The following NINL variants were observed in gnomAD, a reference collection of about 807,000 sequenced individuals.
NINL encodes the protein ninein-like protein.
In NINL, 153 loss-of-function variants were observed where a neutral mutation model predicts 160.3. That is an observed-to-expected ratio of 0.95 (90% CI 0.84 to 1.09). The LOEUF is 1.09. Ranked by LOEUF, NINL falls within the 50% of genes least tolerant of loss-of-function variation. The pLI is 0.00. For missense variants in NINL, 1,829 were observed against 1,764.0 expected (o/e 1.04, Z -0.66); for synonymous variants, 800 against 734.8 (o/e 1.09, Z -1.43).
chr20:25,554,264 G>A (rs1236450164), intron 1 of NINL, among the ~76,000 whole-genome samples: 1 of 152,174 alleles, frequency 6.6e-6, no homozygotes, highest in Non-Finnish European at 1.5e-5. Context: ...GGACCCATGG[G>A]AACCAAGGCC....
intron 17 of NINL, 129 bp downstream of exon 17, chr20:25,475,914 G>GC: frequency 1.1e-6 from 1 of 926,324 alleles, no homozygotes; most frequent in African/African-American, 1.7e-5. Flanking sequence ...GGGCTACACA[G>GC]CCCCCATCAG....
intron 1 of NINL, among the ~76,000 whole-genome samples, chr20:25,549,960 A>C (rs1234501217): frequency 6.6e-6 from 1 of 152,264 alleles, no homozygotes; most frequent in Non-Finnish European, 1.5e-5. Context: ...AGAATGAAAT[A>C]AAGTGGATCA....
intron 16 of NINL, 92 bp from the exon 17 acceptor site, chr20:25,477,181 A>G: frequency 8.2e-7 from 1 of 1,212,758 alleles, no homozygotes; most frequent in Non-Finnish European, 1.1e-6. Context: ...AACGGCTGCG[A>G]CCTCCTCTCT....
intron 16 of NINL, 68 bp from the exon 17 acceptor site, chr20:25,477,157 T>G: frequency 2.1e-6 from 3 of 1,418,982 alleles, no homozygotes; most frequent in Non-Finnish European, 2.8e-6. Context: ...GTTTGAAGTC[T>G]GCCCAGCTGT....
At chr20:25,546,896 G>A (rs1001373822) in intron 1 of NINL, among the ~76,000 whole-genome samples, 6 of 152,128 alleles carry the variant, frequency 3.9e-5, no homozygotes, top group Admixed American at 3.9e-4. Flanking sequence ...ATCAAGAGGC[G>A]TCTCATCAAG....
intron 1 of NINL, among the ~76,000 whole-genome samples, chr20:25,568,913 C>A (rs1350364930): frequency 6.6e-6 from 1 of 151,228 alleles, no homozygotes; most frequent in Non-Finnish European, 1.5e-5. Flanking sequence ...ACATTGAGAC[C>A]CCTCCCTGTC....
Position 25,469,974 on chromosome 20 carries a change from A to C in NINL, c.3353+17T>G, listed in dbSNP as rs1369603164. On this transcript the variant is annotated intron_variant, in intron 18 of 23. Coordinates refer to ENST00000278886, the MANE Select transcript of NINL (RefSeq NM_025176.6). ...AAACGCACCCCCAGAAGGTCTGGGT[A>C]GGGGCGTGGCCCTTACCTCTGTGCA... The C allele has an allele frequency of 6.3e-7, 1 of 1,594,714 alleles. No individual in the cohort carries two copies. Among genetic ancestry groups the C allele is most frequent in the East Asian group, 2.2e-5 (1 of 44,786 alleles).
At chr20:25,559,119 G>C (rs1483284830) in intron 1 of NINL, among the ~76,000 whole-genome samples, 2 of 152,222 alleles carry the variant, frequency 1.3e-5, no homozygotes, top group African/African-American at 4.8e-5. Context: ...CCTGCACAGA[G>C]CCTAAAAATA....
intron 4 of NINL, among the ~76,000 whole-genome samples, chr20:25,512,485 A>G (rs969047073): frequency 2.6e-5 from 4 of 152,094 alleles, no homozygotes; most frequent in African/African-American, 9.7e-5. Context: ...CCTGCTCTCT[A>G]TTCCTCCTTC....
chr20:25,525,110 T>C (rs1041692021), intron 2 of NINL, among the ~76,000 whole-genome samples: 1 of 152,128 alleles, frequency 6.6e-6, no homozygotes, highest in Non-Finnish European at 1.5e-5. Flanking sequence ...CTTAAGCGCA[T>C]TGAAAAATGC....
rs575683289 is a variant in NINL at position 25,492,729 on chromosome 20, A to T, written c.1311-1204T>A. ...AGTGCTGGGATTACAGGTGTGAGCC[A>T]CCACACCCGGCCACAACATGGTATC... On this transcript the variant is annotated intron_variant, in intron 10 of 23. Transcript: ENST00000278886. 6.6e-5 allele frequency among the ~76,000 whole-genome samples: 10 copies of T among 152,270 alleles called. No homozygotes were observed. In the East Asian group the frequency reaches 1.9e-3, roughly 29 times the overall value.
intron 1 of NINL, among the ~76,000 whole-genome samples, chr20:25,585,211 G>A (rs1043669504): frequency 1.3e-5 from 2 of 152,192 alleles, no homozygotes; most frequent in Non-Finnish European, 2.9e-5. Context: ...GGGTTTTCAA[G>A]CGTTCGGCCC....
At chr20:25,534,151 G>T (rs2064517113) in intron 1 of NINL, among the ~76,000 whole-genome samples, 1 of 152,104 alleles carries the variant, frequency 6.6e-6, no homozygotes, top group South Asian at 2.1e-4. Flanking sequence ...TGCAACCTTG[G>T]CCTTATCAGT....
intron 12 of NINL, 82 bp downstream of exon 12, chr20:25,489,793 C>T: frequency 9.0e-7 from 1 of 1,113,880 alleles, no homozygotes; most frequent in East Asian, 2.4e-5. Context: ...CCTGCCGCAT[C>T]TCTCCCTGGC....
chr20:25,461,787 G>A (rs2062791498), intron 20 of NINL, 152 bp from the exon 21 acceptor site: 3 of 590,862 alleles, frequency 5.1e-6, no homozygotes, highest in South Asian at 2.0e-5. Context: ...CCTGTGTCCT[G>A]CAGTCACTCC....
intron 13 of NINL, among the ~76,000 whole-genome samples, chr20:25,486,550 C>A (rs906289627): frequency 6.6e-6 from 1 of 152,182 alleles, no homozygotes; most frequent in Non-Finnish European, 1.5e-5. Context: ...TGGACCCCAT[C>A]CGCATGGCAG....
At chr20:25,546,303 A>G (rs183718378) in intron 1 of NINL, among the ~76,000 whole-genome samples, 129 of 150,338 alleles carry the variant, frequency 8.6e-4, no homozygotes, top group African/African-American at 3.1e-3. Flanking sequence ...CTGACTGAAC[A>G]GTTTATGAGT....
chr20:25,577,044 C>T (rs1365707800), intron 1 of NINL, among the ~76,000 whole-genome samples: 1 of 152,208 alleles, frequency 6.6e-6, no homozygotes, highest in African/African-American at 2.4e-5. Flanking sequence ...GAAATCAGTA[C>T]AGGCCATTAA....
chr20:25,560,957 GCTCTCC>G (rs1315601263), intron 1 of NINL, among the ~76,000 whole-genome samples: 143 of 150,334 alleles, frequency 9.5e-4, no homozygotes, highest in Non-Finnish European at 1.3e-3. Context: ...AAGTTCTTCA[GCTCTCC>G]CTCTCCCTCT....
Sources: gnomAD v4.1 joint callset for allele counts (sites outside exome capture counted in the v4.1 genomes callset) on GRCh38, gnomAD v4.1.1 for gene constraint, MANE v1.5 for transcripts, NCBI Gene and HGNC (gene_info 2026-07-23, HGNC 2026-07-21) for gene names.